Variants in CHL1 observed in about 807,000 individuals in gnomAD.
CHL1 encodes the protein neural cell adhesion molecule L1-like protein.
Under a neutral mutation model 141.9 loss-of-function variants are expected in CHL1, and 96 were observed. The observed-to-expected ratio is 0.68, with a 90% confidence interval of 0.57 to 0.80. The LOEUF is 0.80. Ranked by LOEUF, CHL1 falls within the 30% of genes least tolerant of loss-of-function variation. The pLI, the probability that CHL1 is intolerant of heterozygous loss-of-function variation, is 0.00. For missense variants in CHL1, 1,820 were observed against 1,457.2 expected, an observed-to-expected ratio of 1.25 and a Z score of -4.05; for synonymous variants, 613 against 502.2, an observed-to-expected ratio of 1.22 and a Z score of -2.95.
chr3:201,291 C>G (rs1025264991), intron 1 of CHL1, among the ~76,000 whole-genome samples: 1 of 152,164 alleles, frequency 6.6e-6, no homozygotes, highest in Non-Finnish European at 1.5e-5. Flanking sequence ...TAGACCATAA[C>G]TAATTGAGAT....
intron 15 of CHL1, among the ~76,000 whole-genome samples, chr3:375,566 A>C (rs1245049116): frequency 6.6e-6 from 1 of 151,802 alleles, no homozygotes; most frequent in East Asian, 1.9e-4. Flanking sequence ...GCAGAGAGGC[A>C]GGAGAAATGG....
intron 16 of CHL1, among the ~76,000 whole-genome samples, chr3:378,769 T>TGA (rs1450166874): frequency 6.6e-6 from 1 of 152,170 alleles, no homozygotes. Flanking sequence ...AGACAGGGTC[T>TGA]CCTCACACCA....
intron 5 of CHL1, among the ~76,000 whole-genome samples, chr3:337,821 C>T (rs745527709): frequency 1.1e-4 from 17 of 152,114 alleles, no homozygotes; most frequent in Non-Finnish European, 2.4e-4. Context: ...TGAATAGTGA[C>T]ACAATAAACA....
Position 269,814 on chromosome 3 carries a change from C to G in CHL1, c.-95+25122C>G, listed in dbSNP as rs557927069. On this transcript the variant is annotated intron_variant, in intron 2 of 27. Coordinates refer to ENST00000256509, the MANE Select transcript of CHL1 (RefSeq NM_006614.4). ...GTGCACGGATTACAAGGATGAGCCACCACACTCAGCCAAAACAGACCCAGT... is the reference window on the plus strand; with the variant it reads ...GTGCACGGATTACAAGGATGAGCCAGCACACTCAGCCAAAACAGACCCAGT... 6.1e-4 allele frequency among the ~76,000 whole-genome samples: 93 copies of G among 152,308 alleles called. 1 individual carries two copies. Among genetic ancestry groups the G allele is most frequent in the Non-Finnish European group, 1.2e-3 (79 of 68,026 alleles).
intron 2 of CHL1, among the ~76,000 whole-genome samples, chr3:252,327 T>C (rs1272049672): frequency 6.9e-6 from 1 of 144,264 alleles, no homozygotes; most frequent in Non-Finnish European, 1.5e-5. Flanking sequence ...ATTTAATCTT[T>C]CTTTGTAGAG....
intron 2 of CHL1, among the ~76,000 whole-genome samples, chr3:277,928 C>A (rs956513741): frequency 5.9e-5 from 9 of 152,200 alleles, no homozygotes; most frequent in African/African-American, 2.2e-4. Flanking sequence ...GATTTTACAT[C>A]TCTGCATCTA....
At chr3:340,945 G>A (rs771589676) in intron 6 of CHL1, 29 bp downstream of exon 6, 3 of 1,593,842 alleles carry the variant, frequency 1.9e-6, no homozygotes, top group South Asian at 2.3e-5. Flanking sequence ...CATCAAAAAA[G>A]GGGGACATTT....
At chr3:320,155 T>C (rs746024587) in intron 3 of CHL1, among the ~76,000 whole-genome samples, 73 of 152,066 alleles carry the variant, frequency 4.8e-4, no homozygotes, top group Non-Finnish European at 8.5e-4. Context: ...TCTTGGATTA[T>C]CTGCAATATT....
At chr3:371,108 G>A (rs1321622571) in intron 15 of CHL1, among the ~76,000 whole-genome samples, 1 of 152,150 alleles carries the variant, frequency 6.6e-6, no homozygotes, top group Non-Finnish European at 1.5e-5. Flanking sequence ...TTCTGTAGAT[G>A]TCTATTAGGT....
At chr3:367,336 A>G (rs1267306294) in intron 15 of CHL1, among the ~76,000 whole-genome samples, 1 of 152,212 alleles carries the variant, frequency 6.6e-6, no homozygotes, top group Non-Finnish European at 1.5e-5. Context: ...TGCTTGCATG[A>G]GACAGCAACA....
intron 2 of CHL1, among the ~76,000 whole-genome samples, chr3:252,517 G>A (rs528218239): frequency 1.4e-3 from 208 of 150,696 alleles, no homozygotes; most frequent in African/African-American, 4.9e-3. Context: ...TATTAAATAG[G>A]TATACCAGGT....
chr3:221,801 C>A (rs1700865876), intron 1 of CHL1, among the ~76,000 whole-genome samples: 1 of 152,178 alleles, frequency 6.6e-6, no homozygotes, highest in Non-Finnish European at 1.5e-5. Flanking sequence ...ATAGATGCTA[C>A]ACCTAAACTT....
intron 1 of CHL1, among the ~76,000 whole-genome samples, chr3:239,445 A>G (rs1451527799): frequency 6.6e-6 from 1 of 152,050 alleles, no homozygotes; most frequent in Non-Finnish European, 1.5e-5. Flanking sequence ...TTTGACAGAC[A>G]CTGTGGTGGT....
intron 1 of CHL1, among the ~76,000 whole-genome samples, chr3:235,331 T>A (rs988140310): frequency 6.6e-6 from 1 of 151,992 alleles, no homozygotes; most frequent in Non-Finnish European, 1.5e-5. Flanking sequence ...ATATGTAACT[T>A]CTTCATGCCT....
intron 2 of CHL1, among the ~76,000 whole-genome samples, chr3:306,400 G>A (rs1699232448): frequency 6.6e-6 from 1 of 152,068 alleles, no homozygotes; most frequent in Admixed American, 6.6e-5. Flanking sequence ...CTATTAAACT[G>A]TTTGCAACAA....
chr3:224,148 T>C (rs968347764), intron 1 of CHL1, among the ~76,000 whole-genome samples: 2 of 152,170 alleles, frequency 1.3e-5, no homozygotes, highest in African/African-American at 2.4e-5. Flanking sequence ...TGTGGCCTTT[T>C]ATTACTTTTA....
At chr3:395,904 G>A (rs530462086) in intron 24 of CHL1, among the ~76,000 whole-genome samples, 9 of 152,252 alleles carry the variant, frequency 5.9e-5, no homozygotes, top group African/African-American at 1.7e-4. Flanking sequence ...ATTTATTGAA[G>A]ATGTATATTA....
chr3:348,340 A>G (rs958031027), intron 9 of CHL1, among the ~76,000 whole-genome samples: 1 of 152,238 alleles, frequency 6.6e-6, no homozygotes, highest in African/African-American at 2.4e-5. Context: ...TACTAATAAC[A>G]AGAAGAAATA....
At chr3:345,874 G>A (rs1289877479) in intron 9 of CHL1, among the ~76,000 whole-genome samples, 1 of 152,166 alleles carries the variant, frequency 6.6e-6, no homozygotes, top group African/African-American at 2.4e-5. Flanking sequence ...CTACTGTTAA[G>A]TACATGTAAA....
Sources: allele counts gnomAD v4.1 joint callset (sites outside exome capture counted in the v4.1 genomes callset), GRCh38; gene constraint gnomAD v4.1.1; transcripts MANE v1.5; gene names NCBI Gene and HGNC (gene_info 2026-07-23, HGNC 2026-07-21).